The following TBC1D4 variants were observed in gnomAD, a reference collection of about 807,000 sequenced individuals.
TBC1D4 encodes TBC1 domain family member 4, also known as TBC (Tre-2, BUB2, CDC16) domain-containing protein.
TBC1D4 carries 121 observed loss-of-function variants against 142.5 expected under a neutral mutation model. That is an observed-to-expected ratio of 0.85 (90% CI 0.73 to 0.99). The LOEUF is 0.99. Among genes scored for constraint, TBC1D4 ranks in the 50% least tolerant of loss-of-function variants. The probability of loss-of-function intolerance (pLI) is 0.00; values close to 1 mark genes in which losing one functional copy is unlikely to be tolerated. For missense variants in TBC1D4, 1,475 were observed against 1,606.6 expected (o/e 0.92, Z 1.40); for synonymous variants, 630 against 628.2 (o/e 1.00, Z -0.04).
intron 5 of TBC1D4, among the ~76,000 whole-genome samples, chr13:75,346,706 C>G (rs1881178350): frequency 6.6e-6 from 1 of 151,916 alleles, no homozygotes; most frequent in Admixed American, 6.6e-5. Flanking sequence ...GGCTCTAGAC[C>G]CTTGAGGAAT....
intron 1 of TBC1D4, among the ~76,000 whole-genome samples, chr13:75,453,840 G>A (rs1048504385): frequency 6.7e-6 from 1 of 150,184 alleles, no homozygotes; most frequent in Non-Finnish European, 1.5e-5. Context: ...CCAGCCTGGA[G>A]GACAGAGCAA....
chr13:75,294,309 G>A (rs1875651383), intron 18 of TBC1D4, among the ~76,000 whole-genome samples: 1 of 152,126 alleles, frequency 6.6e-6, no homozygotes, highest in African/African-American at 2.4e-5. Flanking sequence ...TTTTCCCTGA[G>A]CCACCAGTCT....
intron 1 of TBC1D4, among the ~76,000 whole-genome samples, chr13:75,465,541 A>G (rs1888132214): frequency 2.0e-5 from 3 of 152,184 alleles, no homozygotes; most frequent in Non-Finnish European, 4.4e-5. Context: ...TCCTGGTTCC[A>G]GTCTGGCTTC....
chr13:75,392,605 C>A (rs1308132410), intron 1 of TBC1D4, among the ~76,000 whole-genome samples: 2 of 149,602 alleles, frequency 1.3e-5, no homozygotes, highest in African/African-American at 2.5e-5. Flanking sequence ...CCCTCCCCTT[C>A]TTCCCCCTCC....
At chr13:75,455,707 T>C (rs1214998420) in intron 1 of TBC1D4, among the ~76,000 whole-genome samples, 1 of 152,128 alleles carries the variant, frequency 6.6e-6, no homozygotes, top group East Asian at 1.9e-4. Flanking sequence ...CACAAGTATC[T>C]TTACATTCTC....
intron 17 of TBC1D4, 57 bp downstream of exon 17, chr13:75,299,273 G>C: frequency 6.2e-7 from 1 of 1,610,926 alleles, no homozygotes; most frequent in East Asian, 2.2e-5. Context: ...ATTGAGAAGA[G>C]GGCCAGGATT....
At chr13:75,337,098 TTTAA>T (rs1292116043) in intron 7 of TBC1D4, 58 bp from the exon 8 acceptor site, 15 of 1,512,964 alleles carry the variant, frequency 9.9e-6, no homozygotes, top group East Asian at 2.3e-5. Flanking sequence ...TAAATGAAAC[TTTAA>T]TTATAGGCTT....
chr13:75,339,861 C>A (rs1194823600), intron 7 of TBC1D4, among the ~76,000 whole-genome samples: 1 of 152,144 alleles, frequency 6.6e-6, no homozygotes, highest in Non-Finnish European at 1.5e-5. Context: ...CGTGAGCCAC[C>A]ACACCCGGCC....
At chr13:75,457,160 C>T (rs1887771216) in intron 1 of TBC1D4, among the ~76,000 whole-genome samples, 1 of 152,094 alleles carries the variant, frequency 6.6e-6, no homozygotes, top group Admixed American at 6.5e-5. Flanking sequence ...CAAGAAAGCA[C>T]TGAGTGCTGG....
chr13:75,460,922 C>CA (rs1399382891), intron 1 of TBC1D4, among the ~76,000 whole-genome samples: 1 of 151,496 alleles, frequency 6.6e-6, no homozygotes, highest in Non-Finnish European at 1.5e-5. Context: ...GATCCTGCTT[C>CA]AAAAAAACAA....
At position 75,410,118 on chromosome 13, in the gene TBC1D4, C is replaced by T. The variant is rs114675617; in HGVS notation, c.499-47511G>A. 4.8e-3 allele frequency among the ~76,000 whole-genome samples: 730 copies of T among 152,268 alleles called. 5 individuals carry two copies. The highest frequency in any genetic ancestry group is 0.016 in the African/African-American group (665 of 41,548). Reference sequence around the variant, plus strand: ...TGTGAGGTTTAAATAAGCTAATGTACGTAAATAACGGTGTATGCTCATGAT... The same window carrying T: ...TGTGAGGTTTAAATAAGCTAATGTATGTAAATAACGGTGTATGCTCATGAT... On this transcript the variant is annotated intron_variant, in intron 1 of 20. Transcript: ENST00000377636.
Position 75,341,538 on chromosome 13 carries a change from T to A in TBC1D4, c.1458A>T (p.Ser486=). The change falls in exon 6 of 21, where the codon TCA becomes TCT. Residue 486 remains serine, a synonymous_variant. Transcript: ENST00000377636. ...TGTCAGCTTGCTCATTATCTGTCAG[T>A]GATGAGAGATGCCTCTGTATCACCA... ...AKLVIQRHLS[S]LTDNEQADIF... is the part of the protein sequence containing the mutation. 6.2e-7 allele frequency: 1 copy of A among 1,614,036 alleles called. No individual in the cohort carries two copies.
chr13:75,468,751 G>C (rs1029840418), intron 1 of TBC1D4, among the ~76,000 whole-genome samples: 2 of 152,162 alleles, frequency 1.3e-5, no homozygotes, highest in African/African-American at 4.8e-5. Context: ...TTTGCCAGTA[G>C]ACATTAATCT....
chr13:75,459,435 T>C (rs959761292), intron 1 of TBC1D4, among the ~76,000 whole-genome samples: 1 of 152,222 alleles, frequency 6.6e-6, no homozygotes, highest in South Asian at 2.1e-4. Context: ...CACCACTACT[T>C]ATTAATAACA....
intron 1 of TBC1D4, among the ~76,000 whole-genome samples, chr13:75,480,552 G>GA (rs926662709): frequency 6.6e-6 from 1 of 152,030 alleles, no homozygotes; most frequent in Admixed American, 6.5e-5. Flanking sequence ...AAACAAAAGT[G>GA]AAAAAAACAT....
At chr13:75,418,660 G>C (rs1274960874) in intron 1 of TBC1D4, among the ~76,000 whole-genome samples, 4 of 152,144 alleles carry the variant, frequency 2.6e-5, no homozygotes, top group Non-Finnish European at 1.5e-5. Flanking sequence ...GAAAAATACA[G>C]GCAGCTTGAA....
intron 1 of TBC1D4, among the ~76,000 whole-genome samples, chr13:75,479,930 G>A (rs1251815658): frequency 6.6e-6 from 1 of 151,960 alleles, no homozygotes; most frequent in African/African-American, 2.4e-5. Flanking sequence ...TACTGGGGAG[G>A]CTGAGGCACG....
At chr13:75,449,403 T>G (rs1328322049) in intron 1 of TBC1D4, among the ~76,000 whole-genome samples, 7 of 151,862 alleles carry the variant, frequency 4.6e-5, no homozygotes, top group Admixed American at 4.6e-4. Flanking sequence ...AATGATAACA[T>G]TGAACAACTG....
intron 14 of TBC1D4, among the ~76,000 whole-genome samples, chr13:75,308,958 A>T (rs1324541066): frequency 6.6e-6 from 1 of 152,206 alleles, no homozygotes; most frequent in African/African-American, 2.4e-5. Context: ...TAGGTGTAGT[A>T]ACAAGAATCT....
Sources: allele counts gnomAD v4.1 joint callset (sites outside exome capture counted in the v4.1 genomes callset), GRCh38; gene constraint gnomAD v4.1.1; transcripts MANE v1.5; gene names NCBI Gene and HGNC (gene_info 2026-07-23, HGNC 2026-07-21).